The following CSMD1 variants were observed in gnomAD, a reference collection of about 807,000 sequenced individuals.
CSMD1 encodes the protein CUB and Sushi multiple domains 1.
A neutral mutation model predicts 417.5 loss-of-function variants in CSMD1; 213 were observed. The observed-to-expected ratio is 0.51, with a 90% CI of 0.46 to 0.57. CSMD1 has a LOEUF of 0.57. Among genes scored for constraint, CSMD1 ranks in the 20% least tolerant of loss-of-function variants. CSMD1 has a pLI of 0.00. For missense variants in CSMD1, 6,923 were observed against 4,529.7 expected, an observed-to-expected ratio of 1.53 and a Z score of -15.17; for synonymous variants, 2,862 against 1,736.8, an observed-to-expected ratio of 1.65 and a Z score of -16.11.
intron 4 of CSMD1, among the ~76,000 whole-genome samples, chr8:4,022,410 C>T (rs1347341127): frequency 2.0e-5 from 3 of 152,012 alleles, no homozygotes; most frequent in East Asian, 1.9e-4. Context: ...TTTCTATGTA[C>T]AGTTTGTACT....
At chr8:3,520,672 T>G (rs938397153) in intron 10 of CSMD1, among the ~76,000 whole-genome samples, 2 of 152,038 alleles carry the variant, frequency 1.3e-5, no homozygotes, top group African/African-American at 4.8e-5. Context: ...TTTGTTTATT[T>G]GTTTCTTTAA....
At chr8:4,952,937 G>T (rs757794439) in intron 1 of CSMD1, among the ~76,000 whole-genome samples, 3 of 152,126 alleles carry the variant, frequency 2.0e-5, no homozygotes, top group African/African-American at 7.2e-5. Flanking sequence ...CATACTACAA[G>T]ACATGGCAGT....
At chr8:3,513,118 A>ATT (rs199831197) in intron 10 of CSMD1, among the ~76,000 whole-genome samples, 1,512 of 142,174 alleles carry the variant, frequency 0.011, 30 homozygotes, top group African/African-American at 0.042. Context: ...GCATTGAATT[A>ATT]TTATTATTAT....
At chr8:4,910,735 A>G (rs148110005) in intron 1 of CSMD1, among the ~76,000 whole-genome samples, 1 of 152,338 alleles carries the variant, frequency 6.6e-6, no homozygotes, top group Non-Finnish European at 1.5e-5. Context: ...AAAAAATAAT[A>G]AAGCACATAA....
At chr8:4,229,836 C>A (rs542438521) in intron 3 of CSMD1, among the ~76,000 whole-genome samples, 1 of 152,122 alleles carries the variant, frequency 6.6e-6, no homozygotes, top group African/African-American at 2.4e-5. Flanking sequence ...CCAAGAGGGC[C>A]GGGATTTTAT....
rs145437763 is a variant in CSMD1 at position 2,994,705 on chromosome 8, A to G, written c.8377+3306T>C. ...AAAGTTTTTATAGGATCAATTAATT[A>G]AAAAATCTAATTCAGAAAATTATTT... On this transcript the variant is annotated intron_variant, in intron 54 of 69. Coordinates refer to ENST00000635120, the MANE Select transcript of CSMD1 (RefSeq NM_033225.6). Among the ~76,000 whole-genome samples, 963 of 152,340 alleles carry G rather than the reference A, an allele frequency of 6.3e-3. 12 individuals are homozygous for G. Among genetic ancestry groups the G allele is most frequent in the African/African-American group, 0.02 (823 of 41,580 alleles).
intron 47 of CSMD1, among the ~76,000 whole-genome samples, chr8:3,095,055 G>T (rs1330137287): frequency 2.0e-5 from 3 of 152,090 alleles, no homozygotes; most frequent in Non-Finnish European, 4.4e-5. Flanking sequence ...ATTTGCAGGA[G>T]ATCAAATTGC....
intron 7 of CSMD1, among the ~76,000 whole-genome samples, chr8:3,640,164 T>G (rs1398672725): frequency 6.6e-6 from 1 of 152,176 alleles, no homozygotes; most frequent in East Asian, 1.9e-4. Flanking sequence ...CTGAGAAAAC[T>G]TAATGCTTGA....
At chr8:4,389,613 T>C (rs944492613) in intron 3 of CSMD1, among the ~76,000 whole-genome samples, 2 of 152,166 alleles carry the variant, frequency 1.3e-5, no homozygotes, top group African/African-American at 4.8e-5. Flanking sequence ...GTCAAACTTC[T>C]CTACAAATCC....
intron 5 of CSMD1, among the ~76,000 whole-genome samples, chr8:3,821,158 T>C (rs1257904476): frequency 6.6e-6 from 1 of 152,110 alleles, no homozygotes; most frequent in Non-Finnish European, 1.5e-5. Context: ...CCTCAGGTGA[T>C]CCACCCGCCT....
chr8:3,064,307 G>A (rs1359831033), intron 49 of CSMD1, among the ~76,000 whole-genome samples: 1 of 152,184 alleles, frequency 6.6e-6, no homozygotes, highest in Non-Finnish European at 1.5e-5. Context: ...GAAGGCAGCT[G>A]TTCTCATGAT....
intron 4 of CSMD1, among the ~76,000 whole-genome samples, chr8:4,027,730 T>G (rs1011953116): frequency 6.6e-6 from 1 of 152,112 alleles, no homozygotes; most frequent in Non-Finnish European, 1.5e-5. Context: ...TTGAACAAAC[T>G]TGAAGCCAGT....
intron 10 of CSMD1, among the ~76,000 whole-genome samples, chr8:3,513,946 G>A (rs190895053): frequency 6.6e-6 from 1 of 152,342 alleles, no homozygotes; most frequent in African/African-American, 2.4e-5. Flanking sequence ...AGAAGTGAGA[G>A]TAGGTACTTG....
intron 3 of CSMD1, among the ~76,000 whole-genome samples, chr8:4,250,695 C>A (rs1173627515): frequency 6.6e-6 from 1 of 152,066 alleles, no homozygotes; most frequent in East Asian, 1.9e-4. Flanking sequence ...CAAATATTGC[C>A]TTTTCAGAAG....
At chr8:3,404,707 T>G (rs1812240849) in intron 15 of CSMD1, among the ~76,000 whole-genome samples, 1 of 152,196 alleles carries the variant, frequency 6.6e-6, no homozygotes, top group Admixed American at 6.5e-5. Flanking sequence ...AACATTTTGG[T>G]GTGTAGCCTT....
At chr8:3,964,447 G>A (rs947677916) in intron 5 of CSMD1, among the ~76,000 whole-genome samples, 1 of 152,106 alleles carries the variant, frequency 6.6e-6, no homozygotes, top group Admixed American at 6.5e-5. Flanking sequence ...CCAGTGGAAG[G>A]AGACACAGGT....
chr8:3,329,319 G>T (rs1276112766), intron 23 of CSMD1, among the ~76,000 whole-genome samples: 1 of 152,044 alleles, frequency 6.6e-6, no homozygotes, highest in Non-Finnish European at 1.5e-5. Flanking sequence ...ACCCCTAAGA[G>T]CAGGCTTCAT....
intron 1 of CSMD1, among the ~76,000 whole-genome samples, chr8:4,752,932 C>A (rs1227966861): frequency 6.6e-6 from 1 of 152,054 alleles, no homozygotes; most frequent in Non-Finnish European, 1.5e-5. Context: ...TTCCCAGTGG[C>A]GTGATGATGC....
At chr8:3,587,082 G>C (rs1261018019) in intron 8 of CSMD1, among the ~76,000 whole-genome samples, 3 of 152,228 alleles carry the variant, frequency 2.0e-5, no homozygotes, top group Non-Finnish European at 2.9e-5. Context: ...TTACAGGCGT[G>C]AGCCACTGCA....
Sources: allele counts gnomAD v4.1 joint callset (sites outside exome capture counted in the v4.1 genomes callset), GRCh38; gene constraint gnomAD v4.1.1; transcripts MANE v1.5; gene names NCBI Gene and HGNC (gene_info 2026-07-23, HGNC 2026-07-21).